Variants in AFG1L observed in about 807,000 individuals in gnomAD.
AFG1L encodes AFG1 like ATPase, also known as AFG1-like ATPase.
Under a neutral mutation model 62.2 loss-of-function variants are expected in AFG1L, and 53 were observed. The observed-to-expected ratio is 0.85, with a 90% confidence interval of 0.68 to 1.07. AFG1L has a LOEUF of 1.07. Ranked by LOEUF, AFG1L falls within the 50% of genes least tolerant of loss-of-function variation. The pLI, the probability that AFG1L is intolerant of heterozygous loss-of-function variation, is 0.00. For missense variants in AFG1L, 555 were observed against 590.5 expected (o/e 0.94, Z 0.62); for synonymous variants, 228 against 210.3 (o/e 1.08, Z -0.73).
At chr6:108,414,440 G>T (rs1276324487) in intron 7 of AFG1L, among the ~76,000 whole-genome samples, 2 of 152,248 alleles carry the variant, frequency 1.3e-5, no homozygotes, top group South Asian at 2.1e-4. Flanking sequence ...AAATCATCCT[G>T]ATACCAAAGC....
At chr6:108,386,642 T>C (rs571814431) in intron 6 of AFG1L, among the ~76,000 whole-genome samples, 36 of 152,300 alleles carry the variant, frequency 2.4e-4, no homozygotes, top group African/African-American at 8.2e-4. Context: ...GGGGTAAATA[T>C]AAGCACTAGT....
chr6:108,435,425 G>A (rs992563136), intron 7 of AFG1L, among the ~76,000 whole-genome samples: 1 of 152,164 alleles, frequency 6.6e-6, no homozygotes, highest in African/African-American at 2.4e-5. Flanking sequence ...AGTGGCTCAC[G>A]CCTGTAATCC....
intron 10 of AFG1L, among the ~76,000 whole-genome samples, chr6:108,503,481 C>A (rs1444266314): frequency 1.3e-5 from 2 of 152,108 alleles, no homozygotes; most frequent in Non-Finnish European, 2.9e-5. Flanking sequence ...TGAAAGAAGT[C>A]TTTTTTTCTG....
intron 6 of AFG1L, among the ~76,000 whole-genome samples, chr6:108,380,444 A>G (rs1206235700): frequency 2.0e-5 from 3 of 152,200 alleles, no homozygotes; most frequent in African/African-American, 7.2e-5. Context: ...CAGGTTTCCA[A>G]GCTGGCCCTG....
chr6:108,505,067 C>T (rs1438947993), intron 10 of AFG1L, among the ~76,000 whole-genome samples: 1 of 151,200 alleles, frequency 6.6e-6, no homozygotes, highest in African/African-American at 2.4e-5. Flanking sequence ...AAACCTCAAG[C>T]CCTGAGCTTG....
At chr6:108,307,857 T>A (rs1474216844) in intron 1 of AFG1L, among the ~76,000 whole-genome samples, 1 of 152,214 alleles carries the variant, frequency 6.6e-6, no homozygotes, top group Non-Finnish European at 1.5e-5. Context: ...TTTTTAATTT[T>A]AGTCACTCTA....
intron 10 of AFG1L, among the ~76,000 whole-genome samples, chr6:108,505,583 T>G (rs1774381575): frequency 6.6e-6 from 1 of 152,156 alleles, no homozygotes; most frequent in Non-Finnish European, 1.5e-5. Context: ...AAAGAACTTT[T>G]TTTAAAAAAA....
chr6:108,422,374 A>G (rs1444605968), intron 7 of AFG1L, among the ~76,000 whole-genome samples: 3 of 151,270 alleles, frequency 2.0e-5, no homozygotes, highest in African/African-American at 7.3e-5. Flanking sequence ...TTTCTGAAGC[A>G]CTGAAACAAT....
intron 8 of AFG1L, among the ~76,000 whole-genome samples, chr6:108,473,939 A>G (rs1174444128): frequency 6.6e-6 from 1 of 152,158 alleles, no homozygotes; most frequent in Non-Finnish European, 1.5e-5. Flanking sequence ...ACATAGGTAA[A>G]TGTGTGCCAT....
At position 108,397,013 on chromosome 6, in the gene AFG1L, T is replaced by C. The variant is rs1244797531; in HGVS notation, c.749-4983T>C. Among the ~76,000 whole-genome samples the C allele has an allele frequency of 2.0e-5, 3 of 152,066 alleles. No homozygotes were observed. In the East Asian group the frequency reaches 5.8e-4, roughly 29 times the overall value. ...TTGTGCTGTCAAATACTAGGCCTTT[T>C]TCATTCATTCTTTTTTGTTTTTGTT... On this transcript the variant is annotated intron_variant, in intron 6 of 12. Coordinates refer to ENST00000368977, the MANE Select transcript of AFG1L (RefSeq NM_145315.5).
chr6:108,488,080 G>A (rs1418298363), intron 10 of AFG1L, among the ~76,000 whole-genome samples: 2 of 152,184 alleles, frequency 1.3e-5, no homozygotes, highest in Non-Finnish European at 2.9e-5. Context: ...TTTCCAGAAG[G>A]AAACTTGGTT....
At chr6:108,444,694 T>C (rs1174505175) in intron 7 of AFG1L, among the ~76,000 whole-genome samples, 1 of 152,340 alleles carries the variant, frequency 6.6e-6, no homozygotes, top group South Asian at 2.1e-4. Flanking sequence ...AAACAATCTT[T>C]CTTCTAAGCA....
rs1388227399 is a variant in AFG1L, at chr6:108,324,162, C to G, written c.363+114C>G. ...ACATCTTGAAAAATTTTCACCAGTT[C>G]CTTTACACAAATTCTGTTGGATCCC... On this transcript the variant is annotated intron_variant, in intron 2 of 12. Transcript: ENST00000368977. The G allele has an allele frequency of 1.0e-5, 7 of 694,874 alleles. No homozygotes were observed. In the African/African-American group the frequency reaches 1.3e-4, roughly 13 times the overall value. The allele number at this position is 694,874 out of a possible 1,614,324, so 43.0% of individuals were successfully genotyped here.
At chr6:108,487,537 G>GT (rs1201239775) in intron 10 of AFG1L, among the ~76,000 whole-genome samples, 2 of 152,154 alleles carry the variant, frequency 1.3e-5, no homozygotes, top group Non-Finnish European at 2.9e-5. Context: ...TATACCATCA[G>GT]TTTTGATGAA....
intron 10 of AFG1L, among the ~76,000 whole-genome samples, chr6:108,489,150 G>A (rs986241019): frequency 5.3e-5 from 8 of 152,186 alleles, no homozygotes; most frequent in African/African-American, 1.7e-4. Flanking sequence ...AGTCTTATAC[G>A]GATGTCTAAA....
intron 2 of AFG1L, among the ~76,000 whole-genome samples, chr6:108,334,024 T>C (rs998275010): frequency 5.9e-5 from 9 of 152,212 alleles, no homozygotes; most frequent in Non-Finnish European, 1.2e-4. Flanking sequence ...TGTTTTGTTT[T>C]TGAGACAGAG....
chr6:108,510,221 G>A lies in AFG1L; in HGVS notation c.1072G>A (p.Ala358Thr), dbSNP rs140914655. The A allele has an allele frequency of 2.7e-4, 428 of 1,604,300 alleles. 2 individuals carry two copies. In the African/African-American group the frequency reaches 5.0e-3, roughly 19 times the overall value. The change falls in exon 11 of 13, where the codon GCC becomes ACC. Residue 358 changes from alanine to threonine, a missense_variant. Ala to Thr is a moderately conservative substitution (Grantham distance 58). Transcript: ENST00000368977. ...FEELCERPLGASDYLELSKNF... is the reference protein window; with the variant it reads ...FEELCERPLGTSDYLELSKNF... The stretch of plus-strand genomic sequence containing the variant: ...TTTCATTTTATCATAGCCACTTGGA[G>A]CCAGTGACTATTTGGAACTATCAAA...
chr6:108,376,964 A>G (rs929942711), intron 6 of AFG1L, among the ~76,000 whole-genome samples: 25 of 152,270 alleles, frequency 1.6e-4, no homozygotes, highest in Non-Finnish European at 2.4e-4. Context: ...TTTATTGAAT[A>G]TAACCCTTTA....
intron 10 of AFG1L, among the ~76,000 whole-genome samples, chr6:108,506,159 G>GAT (rs958603119): frequency 5.9e-5 from 9 of 152,170 alleles, no homozygotes; most frequent in African/African-American, 2.2e-4. Flanking sequence ...TGAAGTCCCT[G>GAT]ATATAAAGTG....
Sources: gnomAD v4.1 joint callset for allele counts (sites outside exome capture counted in the v4.1 genomes callset) on GRCh38, gnomAD v4.1.1 for gene constraint, MANE v1.5 for transcripts, NCBI Gene and HGNC (gene_info 2026-07-23, HGNC 2026-07-21) for gene names.